DIP2C: variants seen among roughly 807,000 people sequenced by gnomAD.
DIP2C encodes DIP2 acetate--CoA ligase C (putative).
DIP2C carries 33 observed loss-of-function variants against 192.4 expected under a neutral mutation model. The observed-to-expected ratio is 0.17, with a 90% CI of 0.13 to 0.23. The LOEUF is 0.23. DIP2C is among the 10% of genes least tolerant of loss of function. The pLI is 1.00. For missense variants in DIP2C, 1,537 were observed against 2,110.1 expected, an observed-to-expected ratio of 0.73 and a Z score of 5.32; for synonymous variants, 979 against 864.1, an observed-to-expected ratio of 1.13 and a Z score of -2.33.
intron 3 of DIP2C, among the ~76,000 whole-genome samples, chr10:463,952 CTG>C (rs1400392644): frequency 2.0e-5 from 3 of 152,126 alleles, no homozygotes; most frequent in Non-Finnish European, 4.4e-5. Context: ...AAGCAGAAAA[CTG>C]AAACTGGACC....
chr10:513,006 G>A (rs961135596), intron 1 of DIP2C, among the ~76,000 whole-genome samples: 12 of 150,208 alleles, frequency 8.0e-5, no homozygotes, highest in East Asian at 2.0e-4. Flanking sequence ...TACATCTCAC[G>A]CACACATCTG....
chr10:375,890 C>A (rs1403361569), intron 17 of DIP2C, among the ~76,000 whole-genome samples: 2 of 152,016 alleles, frequency 1.3e-5, no homozygotes. Flanking sequence ...TTATCTTATA[C>A]GGGCGATCTC....
chr10:450,074 G>A (rs913377005), intron 3 of DIP2C, among the ~76,000 whole-genome samples: 5 of 152,112 alleles, frequency 3.3e-5, no homozygotes, highest in African/African-American at 4.8e-5. Flanking sequence ...GAAAACAGTC[G>A]CTCTGATTCA....
At chr10:518,904 G>A (rs749260397) in intron 1 of DIP2C, among the ~76,000 whole-genome samples, 6 of 152,174 alleles carry the variant, frequency 3.9e-5, no homozygotes, top group South Asian at 4.1e-4. Context: ...CCAGCCCCTC[G>A]ACGTCAGTCT....
At chr10:334,304 CAAAAAA>C (rs35031456) in intron 29 of DIP2C, among the ~76,000 whole-genome samples, 2 of 82,416 alleles carry the variant, frequency 2.4e-5, no homozygotes, top group African/African-American at 1.0e-4. Flanking sequence ...AAGACTGTCT[CAAAAAA>C]AAAAAAAAAA....
chr10:430,466 G>A (rs1966846605), intron 4 of DIP2C: 1 of 152,184 alleles, frequency 6.6e-6, no homozygotes, highest in Non-Finnish European at 1.5e-5. Context: ...TTAGCCTCCT[G>A]AGTAGCTGAG....
Position 349,461 on chromosome 10 carries a change from G to A in DIP2C, c.2986-7C>T, listed in dbSNP as rs1327676713. ...GCGAGTTCGCTATCGCACCCTGCGGGCCGATCACAGGGACAAGCACATAAG... is the reference window on the plus strand; with the variant it reads ...GCGAGTTCGCTATCGCACCCTGCGGACCGATCACAGGGACAAGCACATAAG... On this transcript the variant is annotated splice_polypyrimidine_tract_variant and splice_region_variant and intron_variant, in intron 24 of 36. Transcript: ENST00000280886. 2 of 1,597,918 alleles carry A rather than the reference G, an allele frequency of 1.3e-6. No homozygotes were observed. Among genetic ancestry groups the A allele is most frequent in the Non-Finnish European group, 1.7e-6 (2 of 1,171,640 alleles).
intron 1 of DIP2C, among the ~76,000 whole-genome samples, chr10:526,044 T>C (rs539997982): frequency 2.8e-4 from 42 of 152,332 alleles, no homozygotes; most frequent in Non-Finnish European, 5.1e-4. Context: ...TAATTGCCGA[T>C]GCTGCGCTCC....
intron 3 of DIP2C, among the ~76,000 whole-genome samples, chr10:465,002 A>G (rs1970092268): frequency 1.3e-5 from 2 of 150,812 alleles, no homozygotes; most frequent in Admixed American, 6.6e-5. Context: ...ATTCCAATCA[A>G]TAGAAAAAGA....
chr10:496,392 G>A (rs1239670579), intron 1 of DIP2C, among the ~76,000 whole-genome samples: 2 of 146,414 alleles, frequency 1.4e-5, no homozygotes, highest in East Asian at 4.0e-4. Flanking sequence ...AAACATGAGT[G>A]CTGACTACAC....
At chr10:673,757 CTG>C (rs1317676058) in intron 1 of DIP2C, among the ~76,000 whole-genome samples, 1 of 152,228 alleles carries the variant, frequency 6.6e-6, no homozygotes, top group Non-Finnish European at 1.5e-5. Flanking sequence ...AGAATCCTAA[CTG>C]TGTCAAACAC....
chr10:518,154 C>T (rs1046244935), intron 1 of DIP2C, among the ~76,000 whole-genome samples: 11 of 152,336 alleles, frequency 7.2e-5, no homozygotes, highest in African/African-American at 2.6e-4. Context: ...GCCTGGAGGG[C>T]GGACACCCAG....
Position 495,071 on chromosome 10 carries a change from A to G in DIP2C, c.86-8541T>C, listed in dbSNP as rs150457734. ...CTTAACGAACTAAATTCTGCCACTT[A>G]CAAAAACATGGATAAACCTGGAAGA... On this transcript the variant is annotated intron_variant, in intron 1 of 36. Coordinates refer to ENST00000280886, the MANE Select transcript of DIP2C (RefSeq NM_014974.3). Among the ~76,000 whole-genome samples the G allele has an allele frequency of 2.7e-3, 405 of 152,370 alleles. 1 individual carries two copies. Among genetic ancestry groups the G allele is most frequent in the African/African-American group, 9.1e-3 (379 of 41,588 alleles).
intron 1 of DIP2C, among the ~76,000 whole-genome samples, chr10:591,015 T>G (rs1013618450): frequency 1.3e-5 from 2 of 152,118 alleles, no homozygotes; most frequent in Admixed American, 6.6e-5. Context: ...CCATTTCCCT[T>G]GTCAAGATCA....
intron 18 of DIP2C, among the ~76,000 whole-genome samples, chr10:366,955 C>T (rs1267704095): frequency 6.6e-6 from 1 of 152,204 alleles, no homozygotes; most frequent in African/African-American, 2.4e-5. Flanking sequence ...CTACATACCC[C>T]CCAACTGCAA....
intron 1 of DIP2C, among the ~76,000 whole-genome samples, chr10:600,968 C>A (rs751131657): frequency 1.3e-5 from 2 of 152,182 alleles, no homozygotes; most frequent in African/African-American, 4.8e-5. Context: ...GTGTCACGTG[C>A]ACACATGGGT....
At chr10:618,705 T>C (rs907554717) in intron 1 of DIP2C, among the ~76,000 whole-genome samples, 4 of 152,208 alleles carry the variant, frequency 2.6e-5, no homozygotes, top group African/African-American at 9.7e-5. Context: ...GGAATAATTA[T>C]TTGGGAACAG....
chr10:577,182 A>C (rs969207955), intron 1 of DIP2C, among the ~76,000 whole-genome samples: 1 of 152,196 alleles, frequency 6.6e-6, no homozygotes, highest in Admixed American at 6.5e-5. Flanking sequence ...TCCTTTGACA[A>C]GGTAAAACTG....
chr10:389,970 A>G (rs1963325621), intron 13 of DIP2C, 21 bp downstream of exon 13: 1 of 1,597,732 alleles, frequency 6.3e-7, no homozygotes, highest in Non-Finnish European at 8.6e-7. Context: ...GGTCCCAAGG[A>G]GTCAGGGTCT....
Sources: gnomAD v4.1 joint callset for allele counts (sites outside exome capture counted in the v4.1 genomes callset) on GRCh38, gnomAD v4.1.1 for gene constraint, MANE v1.5 for transcripts, NCBI Gene and HGNC (gene_info 2026-07-23, HGNC 2026-07-21) for gene names.